Variants in CLIC2 observed in about 807,000 individuals in gnomAD.
CLIC2 encodes CLIC family member 2, also known as chloride intracellular channel protein 2.
Under a neutral mutation model 14.8 loss-of-function variants are expected in CLIC2, and 9 were observed. The ratio of observed to expected loss-of-function variants is 0.61; its 90% CI spans 0.37 to 1.06. CLIC2 has a LOEUF of 1.06. Among genes scored for constraint, CLIC2 ranks in the 50% least tolerant of loss-of-function variants. The pLI is 0.01. For missense variants in CLIC2, 148 were observed against 181.4 expected (o/e 0.82, Z 1.06); for synonymous variants, 61 against 66.3 (o/e 0.92, Z 0.39).
intron 3 of CLIC2, chrX:155,290,300 G>A: frequency 3.7e-6 from 1 of 268,729 alleles, no homozygotes. Context: ...CAGTTCTCCT[G>A]TATTGAAAGC....
chrX:155,282,811 C>G (rs961370784), intron 3 of CLIC2, among the ~76,000 whole-genome samples: 1 of 111,507 alleles, frequency 9.0e-6, no homozygotes, highest in Non-Finnish European at 1.9e-5. Context: ...CTGGCCTTCA[C>G]ACTCCCAGGC....
At chrX:155,330,920 T>C (rs2075154610) in intron 1 of CLIC2, among the ~76,000 whole-genome samples, 1 of 110,778 alleles carries the variant, frequency 9.0e-6, no homozygotes, top group Non-Finnish European at 1.9e-5. Context: ...AGGTACTTCA[T>C]CTTACGGCTG....
Position 155,283,374 on chromosome X carries a change from T to C in CLIC2, c.294-3306A>G, listed in dbSNP as rs140343678. ...ATTGAGTATTTTATTATGTCAGGAA[T>C]TGTGCTAAATGCTATAAATGTATGA... On this transcript the variant is annotated intron_variant, in intron 3 of 5. Coordinates refer to ENST00000369449, the MANE Select transcript of CLIC2 (RefSeq NM_001289.6). 1.8e-3 allele frequency among the ~76,000 whole-genome samples: 201 copies of C among 112,041 alleles called. 1 individual carries two copies. In the East Asian group the frequency reaches 0.043, roughly 24 times the overall value.
At chrX:155,295,117 G>A (rs781863608) in intron 3 of CLIC2, among the ~76,000 whole-genome samples, 4 of 111,252 alleles carry the variant, frequency 3.6e-5, no homozygotes, top group African/African-American at 6.5e-5. Context: ...AAAAACTCTT[G>A]ACAAAATACT....
intron 3 of CLIC2, among the ~76,000 whole-genome samples, chrX:155,290,177 A>G (rs1557317447): frequency 8.9e-6 from 1 of 112,357 alleles, no homozygotes; most frequent in African/African-American, 3.2e-5. Flanking sequence ...TAAGTCAAAA[A>G]TAGAAATCAT....
chrX:155,327,983 A>C (rs1428033194), intron 1 of CLIC2, among the ~76,000 whole-genome samples: 1 of 111,213 alleles, frequency 9.0e-6, no homozygotes, highest in East Asian at 2.8e-4. Context: ...AAAACCCTCA[A>C]AAACATGGGT....
chrX:155,308,140 T>A (rs782266890), intron 1 of CLIC2, among the ~76,000 whole-genome samples: 14 of 109,864 alleles, frequency 1.3e-4, no homozygotes, highest in African/African-American at 4.3e-4. Context: ...TCAAAATAAC[T>A]GTTTTGAGGA....
intron 3 of CLIC2, among the ~76,000 whole-genome samples, chrX:155,297,178 AGTT>A (rs1192510295): frequency 8.9e-6 from 1 of 111,897 alleles, no homozygotes; most frequent in East Asian, 2.8e-4. Flanking sequence ...ATGGAACTGG[AGTT>A]GTTATGTCAA....
intron 1 of CLIC2, among the ~76,000 whole-genome samples, chrX:155,301,452 T>C (rs1423376496): frequency 9.0e-6 from 1 of 110,707 alleles, no homozygotes; most frequent in Non-Finnish European, 1.9e-5. Flanking sequence ...TTGCTGAAGT[T>C]GCTTATCAGC....
At chrX:155,323,835 C>T (rs1445786150) in intron 1 of CLIC2, among the ~76,000 whole-genome samples, 1 of 112,382 alleles carries the variant, frequency 8.9e-6, no homozygotes, top group Non-Finnish European at 1.9e-5. Context: ...TCAGCAAAGT[C>T]TCAGGACACA....
At chrX:155,318,742 C>T (rs2075103325) in intron 1 of CLIC2, among the ~76,000 whole-genome samples, 1 of 111,810 alleles carries the variant, frequency 8.9e-6, no homozygotes, top group Non-Finnish European at 1.9e-5. Flanking sequence ...CAAAAAAGCC[C>T]ACATAGCAAA....
intron 1 of CLIC2, among the ~76,000 whole-genome samples, chrX:155,305,506 C>T (rs1378172182): frequency 8.9e-6 from 1 of 112,196 alleles, no homozygotes; most frequent in Non-Finnish European, 1.9e-5. Flanking sequence ...CCCGGTACCT[C>T]AGATGGAAAT....
At chrX:155,325,761 G>GATAT (rs60334475) in intron 1 of CLIC2, among the ~76,000 whole-genome samples, 339 of 32,824 alleles carry the variant, frequency 0.01, 9 homozygotes, top group South Asian at 0.024. Context: ...AAGAAAATGT[G>GATAT]ATATATATAT....
rs782767563 is a variant in CLIC2, at chrX:155,322,373, C to T, written c.57+11998G>A. Among the ~76,000 whole-genome samples the T allele has an allele frequency of 3.6e-5, 4 of 111,953 alleles. No individual in the cohort carries two copies. The Admixed American group carries it at 3.8e-4, about 11-fold the overall frequency. ...ACAAACAGTCTCTCAGACCACAGTG[C>T]AATCAAATTAGAACTCAGGATTAAG... On this transcript the variant is annotated intron_variant, in intron 1 of 5. Transcript: ENST00000369449.
rs782045357 is a variant in CLIC2, at chrX:155,310,478, C to T, written c.58-11333G>A. On this transcript the variant is annotated intron_variant, in intron 1 of 5. Transcript: ENST00000369449. ...GACACTTGCATTTGCATTTTTCTCA[C>T]CTTGTTTCCTTGGGCAGCTCTGCCC... 421 of 262,742 alleles carry T rather than the reference C, an allele frequency of 1.6e-3. 7 individuals are homozygous for T. In the South Asian group the frequency reaches 0.019, roughly 12 times the overall value. 21.7% of individuals were successfully genotyped at this position (262,742 alleles called of 1,213,427 possible).
At chrX:155,331,328 G>A (rs1557322812) in intron 1 of CLIC2, among the ~76,000 whole-genome samples, 1 of 110,629 alleles carries the variant, frequency 9.0e-6, no homozygotes, top group African/African-American at 3.3e-5. Flanking sequence ...TTTCTGTTAT[G>A]TTATGCTGAT....
At chrX:155,317,956 A>G in intron 1 of CLIC2, among the ~76,000 whole-genome samples, 1 of 112,092 alleles carries the variant, frequency 8.9e-6, no homozygotes, top group Non-Finnish European at 1.9e-5. Context: ...AACAAAAATC[A>G]CATGATCATC....
intron 3 of CLIC2, among the ~76,000 whole-genome samples, chrX:155,281,505 C>T (rs1390796740): frequency 1.8e-5 from 2 of 110,669 alleles, no homozygotes; most frequent in Non-Finnish European, 3.8e-5. Context: ...CACTCAATTC[C>T]TTTTCATAAA....
chrX:155,326,875 C>A (rs1328588844), intron 1 of CLIC2, among the ~76,000 whole-genome samples: 2 of 111,472 alleles, frequency 1.8e-5, no homozygotes, highest in Admixed American at 1.9e-4. Flanking sequence ...ACGTAACATT[C>A]TTGACATGAT....
Sources: gnomAD v4.1 joint callset for allele counts (sites outside exome capture counted in the v4.1 genomes callset) on GRCh38, gnomAD v4.1.1 for gene constraint, MANE v1.5 for transcripts, NCBI Gene and HGNC (gene_info 2026-07-23, HGNC 2026-07-21) for gene names.